KIF5C: variants seen among roughly 807,000 people sequenced by gnomAD.
The protein encoded by KIF5C is kinesin family member 5C.
Under a neutral mutation model 125.2 loss-of-function variants are expected in KIF5C, and 18 were observed. The ratio of observed to expected loss-of-function variants is 0.14; its 90% CI spans 0.10 to 0.21. The LOEUF (loss-of-function observed/expected upper bound fraction) is 0.21, where lower values mean the gene tolerates loss of function less well. Among genes scored for constraint, KIF5C ranks in the 10% least tolerant of loss-of-function variants. KIF5C has a pLI of 1.00. For missense variants in KIF5C, 780 were observed against 1,183.8 expected, an observed-to-expected ratio of 0.66 and a Z score of 5.01; for synonymous variants, 405 against 434.0, an observed-to-expected ratio of 0.93 and a Z score of 0.83.
At chr2:148,893,478 T>C (rs1385744332) in intron 1 of KIF5C, among the ~76,000 whole-genome samples, 1 of 152,238 alleles carries the variant, frequency 6.6e-6, no homozygotes, top group Admixed American at 6.5e-5. Context: ...CATTGTGTCC[T>C]AAACTCAGTC....
chr2:148,941,543 A>G, intron 4 of KIF5C, 67 bp from the exon 5 acceptor site: 1 of 1,542,162 alleles, frequency 6.5e-7, no homozygotes, highest in East Asian at 2.4e-5. Context: ...TTTCATAAGT[A>G]CTAATAATGG....
intron 13 of KIF5C, among the ~76,000 whole-genome samples, chr2:148,980,462 C>T (rs1394798269): frequency 1.3e-5 from 2 of 151,884 alleles, no homozygotes; most frequent in African/African-American, 4.8e-5. Flanking sequence ...TCGGCAAGCC[C>T]AGACATTCGC....
chr2:149,020,783 C>T (rs1484828468), intron 25 of KIF5C, among the ~76,000 whole-genome samples: 1 of 152,180 alleles, frequency 6.6e-6, no homozygotes, highest in African/African-American at 2.4e-5. Context: ...TTCAGGCAGG[C>T]ACTCCTATTG....
intron 1 of KIF5C, among the ~76,000 whole-genome samples, chr2:148,921,065 T>G (rs1383412182): frequency 6.6e-6 from 1 of 152,172 alleles, no homozygotes; most frequent in African/African-American, 2.4e-5. Context: ...TGGGTTCTCC[T>G]AGGGAAGGGG....
intron 7 of KIF5C, among the ~76,000 whole-genome samples, chr2:148,946,599 C>G (rs937117822): frequency 6.6e-6 from 1 of 152,120 alleles, no homozygotes; most frequent in African/African-American, 2.4e-5. Flanking sequence ...GAAAGTCATG[C>G]TGGAGTAGGA....
chr2:148,938,989 G>A (rs557870182), intron 4 of KIF5C, among the ~76,000 whole-genome samples: 85 of 151,766 alleles, frequency 5.6e-4, no homozygotes, highest in Middle Eastern at 3.4e-3. Flanking sequence ...CAGCTACTCA[G>A]GAGGCTGAGG....
chr2:148,935,598 T>C (rs1406901546), intron 3 of KIF5C, among the ~76,000 whole-genome samples: 1 of 152,226 alleles, frequency 6.6e-6, no homozygotes, highest in African/African-American at 2.4e-5. Context: ...AGATTTGAGA[T>C]TGTCAGTCAT....
chr2:148,962,760 A>G (rs897448705), intron 11 of KIF5C, among the ~76,000 whole-genome samples: 1 of 152,200 alleles, frequency 6.6e-6, no homozygotes, highest in African/African-American at 2.4e-5. Flanking sequence ...TGTAGGTTAG[A>G]GGAAAGTGCC....
chr2:148,979,124 G>A, intron 13 of KIF5C, 134 bp downstream of exon 13: 1 of 1,193,340 alleles, frequency 8.4e-7, no homozygotes, highest in Non-Finnish European at 1.1e-6. Context: ...CTTGGTAGAT[G>A]TCCCTTCACT....
chr2:148,929,468 T>C, intron 3 of KIF5C, 114 bp downstream of exon 3: 2 of 638,060 alleles, frequency 3.1e-6, no homozygotes, highest in South Asian at 3.9e-5. Context: ...GAGACGGTTA[T>C]GTTTGGCCAA....
intron 11 of KIF5C, among the ~76,000 whole-genome samples, chr2:148,969,049 C>T (rs183123855): frequency 2.6e-5 from 4 of 152,170 alleles, no homozygotes; most frequent in Admixed American, 2.6e-4. Context: ...TTTAGGAACT[C>T]AACTTATGAA....
chr2:148,951,011 G>A (rs73962007), intron 10 of KIF5C, among the ~76,000 whole-genome samples: 20,803 of 152,158 alleles, frequency 0.14, 2,173 homozygotes, highest in African/African-American at 0.28. Flanking sequence ...AAACAAAACG[G>A]AACAACCAAA....
At chr2:148,906,729 G>A (rs1681122837) in intron 1 of KIF5C, among the ~76,000 whole-genome samples, 1 of 151,952 alleles carries the variant, frequency 6.6e-6, no homozygotes, top group Non-Finnish European at 1.5e-5. Flanking sequence ...CCTGGGTGTG[G>A]TGGTGCATGC....
chr2:148,919,005 T>C (rs1681674042), intron 1 of KIF5C, among the ~76,000 whole-genome samples: 1 of 152,212 alleles, frequency 6.6e-6, no homozygotes, highest in South Asian at 2.1e-4. Flanking sequence ...TGAATGGTTC[T>C]TAGTTTTCAG....
chr2:148,881,070 T>A (rs1186290582), intron 1 of KIF5C, among the ~76,000 whole-genome samples: 1 of 151,346 alleles, frequency 6.6e-6, no homozygotes, highest in African/African-American at 2.4e-5. Flanking sequence ...TGAAATGAAG[T>A]GGTGAGAGAG....
At position 149,005,458 on chromosome 2, in the gene KIF5C, T is replaced by C; in HGVS notation, c.2439T>C (p.Val813=). ...TTGTCCAGGATCTGACCACCCGAGT[T>C]AAAAAAGTGAGTTCTCTTTGTCTGA... is the stretch of plus-strand genomic sequence containing the variant. ...KLFVQDLTTR[V]KKSVELDNDD... is the part of the protein sequence containing the mutation. Residue 813 remains valine, a synonymous_variant, in exon 22 of 26, where the codon GTT becomes GTC. Transcript: ENST00000435030. The C allele has an allele frequency of 6.2e-7, 1 of 1,613,648 alleles. No homozygotes were observed. Among genetic ancestry groups the C allele is most frequent in the Non-Finnish European group, 8.5e-7 (1 of 1,179,800 alleles).
chr2:148,929,821 T>G, intron 3 of KIF5C, among the ~76,000 whole-genome samples: 2 of 152,314 alleles, frequency 1.3e-5, no homozygotes, highest in East Asian at 1.9e-4. Context: ...ACGGTATTTT[T>G]TTTTTTAATA....
chr2:148,882,418 G>T (rs972132334), intron 1 of KIF5C, among the ~76,000 whole-genome samples: 1 of 152,162 alleles, frequency 6.6e-6, no homozygotes, highest in East Asian at 1.9e-4. Flanking sequence ...TCTTGGGAAG[G>T]TGCAGACCCT....
intron 19 of KIF5C, chr2:148,999,933 A>AT (rs139177762): frequency 0.041 from 6,246 of 153,482 alleles, 407 homozygotes; most frequent in African/African-American, 0.14. Flanking sequence ...TTTCTTCATA[A>AT]TTCTCTCTGT....
Sources: allele counts gnomAD v4.1 joint callset (sites outside exome capture counted in the v4.1 genomes callset), GRCh38; gene constraint gnomAD v4.1.1; transcripts MANE v1.5; gene names NCBI Gene and HGNC (gene_info 2026-07-23, HGNC 2026-07-21).